RBFOX1: variants seen among roughly 807,000 people sequenced by gnomAD.
The protein encoded by RBFOX1 is RNA binding protein fox-1 homolog 1.
Under a neutral mutation model 57.7 loss-of-function variants are expected in RBFOX1, and 8 were observed. The observed-to-expected ratio is 0.14, with a 90% CI of 0.08 to 0.25. The LOEUF is 0.25. Ranked by LOEUF, RBFOX1 falls within the 10% of genes least tolerant of loss-of-function variation. RBFOX1 has a pLI of 1.00. For synonymous variants in RBFOX1, 326 were observed against 222.4 expected (o/e 1.47, Z -4.15); for missense variants, 611 against 548.5 (o/e 1.11, Z -1.14).
intron 1 of RBFOX1, among the ~76,000 whole-genome samples, chr16:6,114,805 T>C (rs1431272314): frequency 2.6e-5 from 4 of 152,210 alleles, no homozygotes; most frequent in Non-Finnish European, 4.4e-5. Context: ...AAAGAATTCA[T>C]GTGCAAGCAG....
chr16:5,286,126 G>A (rs1190771131), intron 1 of RBFOX1, among the ~76,000 whole-genome samples: 1 of 152,180 alleles, frequency 6.6e-6, no homozygotes, highest in African/African-American at 2.4e-5. Flanking sequence ...GGGGATGCCA[G>A]GAAGTCTTGT....
Position 6,562,342 on chromosome 16 carries a change from T to G in RBFOX1, c.-63-92261T>G, listed in dbSNP as rs1238570064. On this transcript the variant is annotated intron_variant, in intron 2 of 15. Coordinates refer to ENST00000550418, the MANE Select transcript of RBFOX1 (RefSeq NM_018723.4). ...CAGATAAGGCAACACTAGTATTCACTTTATAACATTCTTGTGAGTGAAATA... is the reference window on the plus strand; with the variant it reads ...CAGATAAGGCAACACTAGTATTCACGTTATAACATTCTTGTGAGTGAAATA... Among the ~76,000 whole-genome samples the G allele has an allele frequency of 2.0e-5, 3 of 152,248 alleles. No homozygotes were observed. The East Asian group carries it at 5.8e-4, about 29-fold the overall frequency.
intron 5 of RBFOX1, among the ~76,000 whole-genome samples, chr16:7,535,827 T>C (rs936095840): frequency 6.6e-6 from 1 of 152,242 alleles, no homozygotes; most frequent in Non-Finnish European, 1.5e-5. Flanking sequence ...TGTGCCTTAT[T>C]CATCACTTTT....
chr16:5,432,559 G>GTTTTTTTTTTTTTTTGTTTTTTT (rs2067781309), intron 1 of RBFOX1, among the ~76,000 whole-genome samples: 12 of 94,214 alleles, frequency 1.3e-4, no homozygotes, highest in Non-Finnish European at 2.2e-4. Context: ...TTGTTTGTTT[G>GTTTTTTTTTTTTTTTGTTTTTTT]TTTTTTTTTT....
chr16:6,601,401 G>A (rs570086887), intron 2 of RBFOX1, among the ~76,000 whole-genome samples: 1 of 152,194 alleles, frequency 6.6e-6, no homozygotes, highest in East Asian at 1.9e-4. Context: ...GCTTTTGTTG[G>A]TATTGTGGCC....
chr16:6,996,520 C>T (rs1596424122), intron 3 of RBFOX1, among the ~76,000 whole-genome samples: 1 of 152,130 alleles, frequency 6.6e-6, no homozygotes, highest in African/African-American at 2.4e-5. Context: ...ATAAGTAGGG[C>T]TTGCATACAT....
At chr16:6,937,387 C>G (rs529435021) in intron 3 of RBFOX1, among the ~76,000 whole-genome samples, 1 of 151,944 alleles carries the variant, frequency 6.6e-6, no homozygotes, top group East Asian at 1.9e-4. Flanking sequence ...TTAGGAAAGT[C>G]TTATTAATGT....
chr16:7,250,759 A>T (rs1003807390), intron 4 of RBFOX1, among the ~76,000 whole-genome samples: 2 of 152,164 alleles, frequency 1.3e-5, no homozygotes, highest in Admixed American at 1.3e-4. Context: ...GCTGTGTATG[A>T]CCTTTATGTC....
chr16:6,544,224 C>T (rs926658046), intron 2 of RBFOX1, among the ~76,000 whole-genome samples: 2 of 152,186 alleles, frequency 1.3e-5, no homozygotes, highest in African/African-American at 4.8e-5. Context: ...ACTTGGACCA[C>T]ACTTGGTGGG....
intron 2 of RBFOX1, among the ~76,000 whole-genome samples, chr16:6,566,803 C>A (rs1006575190): frequency 3.3e-5 from 5 of 152,176 alleles, no homozygotes; most frequent in African/African-American, 9.6e-5. Context: ...ATAAAAATTT[C>A]TATCAGCGTT....
chr16:6,841,062 C>T (rs573421446), intron 3 of RBFOX1, among the ~76,000 whole-genome samples: 6 of 152,042 alleles, frequency 3.9e-5, no homozygotes, highest in Admixed American at 6.6e-5. Flanking sequence ...GTGCAAGCCA[C>T]CTGTTTGTTT....
chr16:6,115,761 C>T (rs1323504983), intron 1 of RBFOX1, among the ~76,000 whole-genome samples: 1 of 152,226 alleles, frequency 6.6e-6, no homozygotes, highest in South Asian at 2.1e-4. Flanking sequence ...CTAGGTTTGC[C>T]TTGTGGTCAT....
At position 6,383,755 on chromosome 16, in the gene RBFOX1, G is replaced by A. The variant is rs1261801149; in HGVS notation, c.-64+66698G>A. 2.0e-5 allele frequency among the ~76,000 whole-genome samples: 3 copies of A among 151,750 alleles called. No individual in the cohort carries two copies. In the East Asian group the frequency reaches 5.8e-4, roughly 29 times the overall value. Reference sequence around the variant, plus strand: ...ACTGCACTCCAGCCTGGGCGACAGTGCGAGAATTTATCTTGGAAAAAAAAA... The same window carrying A: ...ACTGCACTCCAGCCTGGGCGACAGTACGAGAATTTATCTTGGAAAAAAAAA... On this transcript the variant is annotated intron_variant, in intron 2 of 15. Coordinates refer to ENST00000550418, the MANE Select transcript of RBFOX1 (RefSeq NM_018723.4).
rs957070056 is a variant in RBFOX1 at position 5,738,921 on chromosome 16, G to C, written c.319-128382G>C. ...ACCAGGGAAGATGGATGAACTCAAA[G>C]CAAAATTGGGTCTACATGGATTTTC... On this transcript the variant is annotated intron_variant, in intron 3 of 19. Transcript: ENST00000641259. Among the ~76,000 whole-genome samples, 15 of 152,296 alleles carry C rather than the reference G, an allele frequency of 9.8e-5. No homozygotes were observed. In the East Asian group the frequency reaches 2.5e-3, roughly 26 times the overall value.
intron 4 of RBFOX1, among the ~76,000 whole-genome samples, chr16:5,891,289 G>A (rs143486204): frequency 1.5e-3 from 234 of 152,298 alleles, no homozygotes; most frequent in African/African-American, 3.6e-3. Context: ...CGGATGGCTG[G>A]AGCCGTTTCA....
At chr16:6,052,699 G>A (rs754818301) in intron 1 of RBFOX1, among the ~76,000 whole-genome samples, 8 of 151,882 alleles carry the variant, frequency 5.3e-5, no homozygotes, top group Non-Finnish European at 1.0e-4. Flanking sequence ...CAGGAGAATG[G>A]CGTGAACCCG....
At chr16:6,715,964 A>C (rs1193495829) in intron 3 of RBFOX1, among the ~76,000 whole-genome samples, 1 of 152,044 alleles carries the variant, frequency 6.6e-6, no homozygotes, top group African/African-American at 2.4e-5. Context: ...GATACGACGC[A>C]ATTGACCAGG....
intron 4 of RBFOX1, among the ~76,000 whole-genome samples, chr16:7,235,819 A>G (rs2093737736): frequency 6.6e-6 from 1 of 152,232 alleles, no homozygotes; most frequent in Non-Finnish European, 1.5e-5. Flanking sequence ...ATAATGCCTT[A>G]TTCTGACAAT....
At chr16:5,749,841 C>T (rs958655182) in intron 3 of RBFOX1, among the ~76,000 whole-genome samples, 15 of 152,080 alleles carry the variant, frequency 9.9e-5, no homozygotes, top group African/African-American at 1.9e-4. Flanking sequence ...GAAGTTTGAT[C>T]GTCTGAAGCC....
Sources: allele counts gnomAD v4.1 joint callset (sites outside exome capture counted in the v4.1 genomes callset), GRCh38; gene constraint gnomAD v4.1.1; transcripts MANE v1.5; gene names NCBI Gene and HGNC (gene_info 2026-07-23, HGNC 2026-07-21).